The following ANO10 variants were observed in gnomAD, a reference collection of about 807,000 sequenced individuals.
ANO10 encodes anoctamin 10.
ANO10 carries 77 observed loss-of-function variants against 74.7 expected under a neutral mutation model. That is an observed-to-expected ratio of 1.03 (90% CI 0.86 to 1.25). The LOEUF (loss-of-function observed/expected upper bound fraction) is 1.25, where lower values mean the gene tolerates loss of function less well. ANO10 is among the 50% of genes most tolerant of loss of function. ANO10 has a pLI of 0.00. For synonymous variants in ANO10, 279 were observed against 284.9 expected (o/e 0.98, Z 0.21); for missense variants, 721 against 778.1 (o/e 0.93, Z 0.87).
intron 12 of ANO10, among the ~76,000 whole-genome samples, chr3:43,416,742 A>G (rs2092744284): frequency 6.6e-6 from 1 of 152,184 alleles, no homozygotes; most frequent in African/African-American, 2.4e-5. Context: ...ATCTGATTTC[A>G]TGGTTACCCT....
At chr3:43,383,123 C>T (rs1350894059) in intron 12 of ANO10, among the ~76,000 whole-genome samples, 10 of 152,078 alleles carry the variant, frequency 6.6e-5, no homozygotes, top group Admixed American at 6.5e-4. Flanking sequence ...AAATCCTCAA[C>T]AAAATAGTAG....
chr3:43,547,672 T>C (rs1480363197), intron 11 of ANO10, among the ~76,000 whole-genome samples: 1 of 152,002 alleles, frequency 6.6e-6, no homozygotes, highest in East Asian at 1.9e-4. Flanking sequence ...GTGAATCGAG[T>C]GAGGATTAGA....
intron 12 of ANO10, among the ~76,000 whole-genome samples, chr3:43,378,835 C>T (rs2091884047): frequency 6.6e-6 from 1 of 152,206 alleles, no homozygotes; most frequent in Non-Finnish European, 1.5e-5. Flanking sequence ...GTAGGAACAA[C>T]ACAGTAAGTG....
intron 7 of ANO10, among the ~76,000 whole-genome samples, chr3:43,568,326 C>A (rs2080489002): frequency 1.3e-5 from 2 of 152,100 alleles, no homozygotes; most frequent in Non-Finnish European, 2.9e-5. Flanking sequence ...AGCTCTGCAC[C>A]AAGTGGACCT....
intron 8 of ANO10, among the ~76,000 whole-genome samples, chr3:43,562,455 CA>C (rs1169816392): frequency 0.017 from 1,196 of 69,952 alleles, 60 homozygotes; most frequent in African/African-American, 0.044. Context: ...CTGTCTCAAA[CA>C]AAAAAAAAAA....
chr3:43,680,507 G>T (rs149726720), intron 1 of ANO10, among the ~76,000 whole-genome samples: 2 of 152,084 alleles, frequency 1.3e-5, no homozygotes, highest in East Asian at 1.9e-4. Flanking sequence ...GAAAACACTC[G>T]GCAGGATATT....
At chr3:43,367,324 T>TTGCC (rs1248116890) in intron 12 of ANO10, among the ~76,000 whole-genome samples, 1 of 152,208 alleles carries the variant, frequency 6.6e-6, no homozygotes, top group Non-Finnish European at 1.5e-5. Context: ...AGTGCTTGCT[T>TTGCC]TGCCCCTGTG....
In ANO10 at chr3:43,612,140, TTATATATATATATATATATATATATA is replaced by T. The variant is rs55675402; in HGVS notation, c.-11-6303_-11-6278del. ...AGTGGAATAAAGAAAATTAAATATT[TTATATATATATATATATATATATATA>T]TATATATATATATATATATGCCCAA... On this transcript the variant is annotated intron_variant, in intron 1 of 12. Coordinates refer to ENST00000292246, the MANE Select transcript of ANO10 (RefSeq NM_018075.5). Among the ~76,000 whole-genome samples, 114 of 64,560 alleles carry T rather than the reference TTATATATATATATATATATATATATA, an allele frequency of 1.8e-3. 1 individual carries two copies. The highest frequency in any genetic ancestry group is 3.6e-3 in the South Asian group (5 of 1,372). The allele number at this position is 64,560 out of a possible 152,430, so 42.4% of individuals were successfully genotyped here.
At chr3:43,674,099 G>A (rs1007431286) in intron 1 of ANO10, among the ~76,000 whole-genome samples, 3 of 152,118 alleles carry the variant, frequency 2.0e-5, no homozygotes, top group African/African-American at 7.2e-5. Flanking sequence ...TACTTCATGT[G>A]TGGGATATTC....
Position 43,549,847 on chromosome 3 carries a change from A to C in ANO10, c.1670T>G (p.Leu557Trp). 1 of 1,613,836 alleles carries C rather than the reference A, an allele frequency of 6.2e-7. No individual in the cohort carries two copies. Among genetic ancestry groups the C allele is most frequent in the South Asian group, 1.1e-5 (1 of 91,034 alleles). ...EPSANIGVWQ[L>W]AFETMSVISV... The stretch of plus-strand genomic sequence containing the variant: ...TATAACACTCATCGTTTCAAAAGCC[A>C]ACTAAAAGAAAAAAGAATGGAAATT... Residue 557 changes from leucine (L) to tryptophan (W), a missense_variant and splice_region_variant, in exon 11 of 13, where the codon TTG becomes TGG. Transcript: ENST00000292246.
At chr3:43,462,984 C>A (rs1337942773) in intron 11 of ANO10, among the ~76,000 whole-genome samples, 1 of 152,208 alleles carries the variant, frequency 6.6e-6, no homozygotes, top group African/African-American at 2.4e-5. Flanking sequence ...GAGCCTCTGC[C>A]TAGATTTCAG....
chr3:43,523,987 AC>A (rs1459116542), intron 11 of ANO10, among the ~76,000 whole-genome samples: 4 of 151,996 alleles, frequency 2.6e-5, no homozygotes, highest in African/African-American at 9.7e-5. Flanking sequence ...AAACAAGCTC[AC>A]CCAGGGGCCA....
intron 1 of ANO10, among the ~76,000 whole-genome samples, chr3:43,685,101 ATTG>A (rs1033572579): frequency 2.0e-5 from 3 of 152,028 alleles, no homozygotes; most frequent in South Asian, 2.1e-4. Context: ...AAAAATAAAG[ATTG>A]TTTATTTTAT....
At chr3:43,656,545 C>T (rs545095260) in intron 1 of ANO10, among the ~76,000 whole-genome samples, 3 of 152,324 alleles carry the variant, frequency 2.0e-5, no homozygotes, top group African/African-American at 4.8e-5. Context: ...TCAGGCATGG[C>T]GGGCTGCAGG....
At chr3:43,444,439 T>C (rs969281400) in intron 11 of ANO10, among the ~76,000 whole-genome samples, 1 of 152,196 alleles carries the variant, frequency 6.6e-6, no homozygotes. Flanking sequence ...TTTTGATCAC[T>C]TGACAAGTAA....
intron 1 of ANO10, among the ~76,000 whole-genome samples, chr3:43,661,438 C>A (rs2083925733): frequency 6.6e-6 from 1 of 152,170 alleles, no homozygotes; most frequent in Non-Finnish European, 1.5e-5. Context: ...CCAGTACCAG[C>A]CACTGCAAAA....
At chr3:43,628,660 A>G (rs2083515350) in intron 1 of ANO10, among the ~76,000 whole-genome samples, 1 of 152,174 alleles carries the variant, frequency 6.6e-6, no homozygotes, top group Admixed American at 6.5e-5. Flanking sequence ...TTTTCTCAGC[A>G]AGAAACATCC....
intron 11 of ANO10, among the ~76,000 whole-genome samples, chr3:43,446,759 A>G (rs1030485542): frequency 1.3e-5 from 2 of 152,246 alleles, no homozygotes; most frequent in African/African-American, 4.8e-5. Flanking sequence ...GTAGATAAAA[A>G]TAATTTTTAA....
At chr3:43,404,204 T>C (rs1212212302) in intron 12 of ANO10, among the ~76,000 whole-genome samples, 1 of 152,188 alleles carries the variant, frequency 6.6e-6, no homozygotes, top group Non-Finnish European at 1.5e-5. Flanking sequence ...AGAGACTCTT[T>C]ATAGGTGGCT....
Sources: allele counts gnomAD v4.1 joint callset (sites outside exome capture counted in the v4.1 genomes callset), GRCh38; gene constraint gnomAD v4.1.1; transcripts MANE v1.5; gene names NCBI Gene and HGNC (gene_info 2026-07-23, HGNC 2026-07-21).